C17orf75: variants seen among roughly 807,000 people sequenced by gnomAD.
The protein encoded by C17orf75 is chromosome 17 open reading frame 75.
C17orf75 carries 32 observed loss-of-function variants against 49.6 expected under a neutral mutation model. That is an observed-to-expected ratio of 0.65 (90% CI 0.49 to 0.87). The LOEUF (loss-of-function observed/expected upper bound fraction) is 0.87, where lower values mean the gene tolerates loss of function less well. C17orf75 is among the 40% of genes least tolerant of loss of function. The pLI is 0.00. For missense variants in C17orf75, 428 were observed against 473.9 expected, an observed-to-expected ratio of 0.90 and a Z score of 0.90; for synonymous variants, 158 against 159.5, an observed-to-expected ratio of 0.99 and a Z score of 0.07.
intron 1 of C17orf75, among the ~76,000 whole-genome samples, chr17:32,349,261 C>A (rs2041459063): frequency 6.6e-6 from 1 of 152,186 alleles, no homozygotes; most frequent in Non-Finnish European, 1.5e-5. Context: ...CTTTCCTTCA[C>A]CTTGCTTGCT....
Position 32,337,933 on chromosome 17 carries a change from C to T in C17orf75, c.513G>A (p.Lys171=). 1.9e-6 allele frequency: 3 copies of T among 1,605,320 alleles called. No homozygotes were observed. Among genetic ancestry groups the T allele is most frequent in the Non-Finnish European group, 2.6e-6 (3 of 1,175,196 alleles). Residue 171 remains lysine (K), a synonymous_variant, in exon 5 of 10, where the codon AAG becomes AAA. Transcript: ENST00000577809. ...GLELFRLELD[K]YIQGLKNNMN... ...TGTTATTTTTCAGCCCTTGAATGTA[C>T]TTGTCCAATTCAAGCCTGAAAGTAT...
intron 2 of C17orf75, 54 bp from the exon 3 acceptor site, chr17:32,339,992 C>T (rs1310573812): frequency 6.3e-7 from 1 of 1,598,546 alleles, no homozygotes; most frequent in African/African-American, 1.3e-5. Context: ...TATTCACACC[C>T]ATTAAGTCAG....
At chr17:32,332,067 T>C (rs566337889) in intron 9 of C17orf75, 89 bp from the exon 10 acceptor site, 2 of 1,045,914 alleles carry the variant, frequency 1.9e-6, no homozygotes, top group African/African-American at 3.2e-5. Flanking sequence ...GAACTCAACA[T>C]ATCTTCCTGA....
At chr17:32,337,748 T>C in intron 5 of C17orf75, 149 bp downstream of exon 5, 2 of 597,296 alleles carry the variant, frequency 3.3e-6, no homozygotes, top group Non-Finnish European at 5.7e-6. Flanking sequence ...TAAGTTTTAG[T>C]AGAGATGAAG....
In C17orf75 at chr17:32,331,094, C is replaced by G. The variant is rs969342889; in HGVS notation, c.*669G>C. 3.3e-5 allele frequency: 5 copies of G among 152,346 alleles called. No individual in the cohort carries two copies. Among genetic ancestry groups the G allele is most frequent in the African/African-American group, 1.2e-4 (5 of 41,524 alleles). The allele number at this position is 152,346 out of a possible 1,614,324, so 9.4% of individuals were successfully genotyped here. On this transcript the variant is annotated 3_prime_UTR_variant, in exon 10 of 10. Coordinates refer to ENST00000577809, the MANE Select transcript of C17orf75 (RefSeq NM_022344.4). ...CGATCTCCTGACCTCATGATCTGCC[C>G]GCCTCAGCCTCCCAAAGTGCTGGGA...
At chr17:32,338,698 G>A (rs1017239559) in intron 3 of C17orf75, among the ~76,000 whole-genome samples, 2 of 152,126 alleles carry the variant, frequency 1.3e-5, no homozygotes, top group Non-Finnish European at 2.9e-5. Context: ...TGATGTTTAA[G>A]GCAGATGTGC....
chr17:32,345,383 G>T (rs542685724), upstream of C17orf75, among the ~76,000 whole-genome samples: 2 of 152,198 alleles, frequency 1.3e-5, no homozygotes, highest in Non-Finnish European at 2.9e-5. Flanking sequence ...GGCTGAGGCA[G>T]AAGAATCACT....
At chr17:32,344,250 C>T (rs112874003), upstream of C17orf75, 1 of 340,120 alleles carries the variant, frequency 2.9e-6, no homozygotes, top group Non-Finnish European at 5.4e-6. Context: ...CCTTCTGCCC[C>T]ATCCTCCCGA....
intron 3 of C17orf75, among the ~76,000 whole-genome samples, 186 bp from the exon 4 acceptor site, chr17:32,338,537 A>T (rs2041347625): frequency 6.6e-6 from 1 of 152,136 alleles, no homozygotes; most frequent in South Asian, 2.1e-4. Flanking sequence ...TATACCCTGG[A>T]GGGCTTTAGT....
chr17:32,347,948 C>T (rs1166862634), intron 1 of C17orf75, among the ~76,000 whole-genome samples: 2 of 152,098 alleles, frequency 1.3e-5, no homozygotes, highest in Non-Finnish European at 2.9e-5. Flanking sequence ...GGCCTCAAGC[C>T]ACCCTCTTGC....
upstream of C17orf75, among the ~76,000 whole-genome samples, chr17:32,345,046 CT>C (rs1398769410): frequency 6.6e-6 from 1 of 152,174 alleles, no homozygotes; most frequent in East Asian, 1.9e-4. Flanking sequence ...GGTTTATTCT[CT>C]TGATTTGCTC....
chr17:32,349,458 G>A (rs1185131920), intron 1 of C17orf75, among the ~76,000 whole-genome samples: 1 of 152,068 alleles, frequency 6.6e-6, no homozygotes, highest in Non-Finnish European at 1.5e-5. Context: ...GCGCGGGCCT[G>A]CAGTCCCAGC....
At chr17:32,349,570 G>A (rs895846119) in intron 1 of C17orf75, among the ~76,000 whole-genome samples, 29 of 152,112 alleles carry the variant, frequency 1.9e-4, no homozygotes, top group African/African-American at 6.8e-4. Context: ...GACAGAGCGA[G>A]ACTTGGTCTC....
In C17orf75 at chr17:32,331,442, G is replaced by C. The variant is rs1261131280; in HGVS notation, c.*321C>G. ...AGAAGAAAAGTTGCTAAATACTGCA[G>C]CAAACTCAGGCTTTTCCTGAGAAAA... On this transcript the variant is annotated 3_prime_UTR_variant, in exon 10 of 10. Transcript: ENST00000577809. The C allele has an allele frequency of 3.8e-6, 1 of 262,824 alleles. No homozygotes were observed. The highest frequency in any genetic ancestry group is 7.3e-6 in the Non-Finnish European group (1 of 137,564). 16.3% of individuals were successfully genotyped at this position (262,824 alleles called of 1,614,324 possible).
At chr17:32,349,161 G>A (rs1887645532) in intron 1 of C17orf75, among the ~76,000 whole-genome samples, 1 of 151,846 alleles carries the variant, frequency 6.6e-6, no homozygotes, top group South Asian at 2.1e-4. Flanking sequence ...GAGCAACCGC[G>A]CCCGGCTATC....
At chr17:32,333,628 C>T (rs149996401) in intron 8 of C17orf75, 108 bp from the exon 9 acceptor site, 7 of 949,638 alleles carry the variant, frequency 7.4e-6, no homozygotes, top group South Asian at 1.6e-5. Flanking sequence ...GGAGTGCAGC[C>T]GGAGTACTAA....
chr17:32,345,133 A>G (rs1318396351), upstream of C17orf75, among the ~76,000 whole-genome samples: 1 of 152,162 alleles, frequency 6.6e-6, no homozygotes, highest in Non-Finnish European at 1.5e-5. Flanking sequence ...CTGAAAATAT[A>G]TCCTCACGTC....
At position 32,338,362 on chromosome 17, in the gene C17orf75, A is replaced by G. The variant is rs781387638; in HGVS notation, c.348-11T>C. On this transcript the variant is annotated splice_polypyrimidine_tract_variant and intron_variant, in intron 3 of 9. Transcript: ENST00000577809. ...CGGTAACCTGGAATTCTAGAAAAGAAAGAAAATGTAAAATGCATTATTTTG... is the reference window on the plus strand; with the variant it reads ...CGGTAACCTGGAATTCTAGAAAAGAGAGAAAATGTAAAATGCATTATTTTG... 4.4e-6 allele frequency: 7 copies of G among 1,596,486 alleles called. No homozygotes were observed. In the South Asian group the frequency reaches 8.0e-5, roughly 18 times the overall value.
chr17:32,334,289 C>T (rs749311808), intron 8 of C17orf75, among the ~76,000 whole-genome samples, 180 bp downstream of exon 8: 4 of 152,162 alleles, frequency 2.6e-5, no homozygotes, highest in Non-Finnish European at 5.9e-5. Flanking sequence ...AATTGCTAGG[C>T]ATGGCATGAT....
Sources: allele counts gnomAD v4.1 joint callset (sites outside exome capture counted in the v4.1 genomes callset), GRCh38; gene constraint gnomAD v4.1.1; transcripts MANE v1.5; gene names NCBI Gene and HGNC (gene_info 2026-07-23, HGNC 2026-07-21).